Variants in MDGA1 observed in about 807,000 individuals in gnomAD.
MDGA1 encodes the protein MAM domain-containing glycosylphosphatidylinositol anchor protein 1.
In MDGA1, 54 loss-of-function variants were observed where a neutral mutation model predicts 101.5. That is an observed-to-expected ratio of 0.53 (90% CI 0.43 to 0.67). The LOEUF is 0.67. Among genes scored for constraint, MDGA1 ranks in the 30% least tolerant of loss-of-function variants. MDGA1 has a pLI of 0.00. For missense variants in MDGA1, 1,083 were observed against 1,323.8 expected (o/e 0.82, Z 2.82); for synonymous variants, 533 against 558.3 (o/e 0.95, Z 0.64).
intron 12 of MDGA1, among the ~76,000 whole-genome samples, chr6:37,644,939 C>G (rs999940827): frequency 1.3e-5 from 2 of 152,134 alleles, no homozygotes; most frequent in Admixed American, 1.3e-4. Context: ...TAAAGAAAAT[C>G]AATTATATCG....
intron 2 of MDGA1, among the ~76,000 whole-genome samples, chr6:37,658,689 C>T (rs958640116): frequency 6.6e-6 from 1 of 152,112 alleles, no homozygotes; most frequent in Non-Finnish European, 1.5e-5. Context: ...AGCATGGATT[C>T]GGCCGGGCAC....
Position 37,655,125 on chromosome 6 carries a change from G to T in MDGA1, c.580-193C>A. On this transcript the variant is annotated intron_variant, in intron 4 of 16. Coordinates refer to ENST00000434837, the MANE Select transcript of MDGA1 (RefSeq NM_153487.4). This position sits in a 1 kb window ranked among gnomAD's most constrained non-coding sequence, Gnocchi z 5.1. ...GGATGCTACACTCTCCATAGCCTTG[G>T]CAGTGCCTCATCATGGGATTCTCTG... 1 of 648,446 alleles carries T rather than the reference G, an allele frequency of 1.5e-6. No individual in the cohort carries two copies. Among genetic ancestry groups the T allele is most frequent in the Non-Finnish European group, 2.6e-6 (1 of 384,232 alleles). 40.2% of individuals were successfully genotyped at this position (648,446 alleles called of 1,614,324 possible).
rs777257279 is a variant in MDGA1 at position 37,638,572 on chromosome 6, C to A, written c.2632G>T (p.Ala878Ser). The A allele has an allele frequency of 6.2e-7, 1 of 1,614,022 alleles. No homozygotes were observed. The highest frequency in any genetic ancestry group is 1.7e-5 in the Admixed American group (1 of 60,032). ...SGNKGNVWQQ[A>S]HVPISPSGPF... ...CCACTGGGGCTGATGGGCACATGGG[C>A]CTGCTGCCACACATTGCCCTTATTG... The change falls in exon 15 of 17, where the codon GCC becomes TCC. Residue 878 changes from alanine (A) to serine (S), a missense_variant. By Grantham distance (99) the Ala-to-Ser change is moderately conservative (BLOSUM62 1). Around this residue, in one of 3 missense-constraint regions of MDGA1, gnomAD observed 657 missense variants for 771.4 expected, o/e 0.85. Transcript: ENST00000434837. This position sits in a 1 kb window ranked among gnomAD's most constrained non-coding sequence, Gnocchi z 4.8.
intron 1 of MDGA1, among the ~76,000 whole-genome samples, chr6:37,682,056 C>T (rs1762107633): frequency 6.6e-6 from 1 of 152,244 alleles, no homozygotes; most frequent in South Asian, 2.1e-4. Flanking sequence ...CACACACACA[C>T]ACCCCTCTGC....
chr6:37,666,231 G>A (rs567670708), intron 1 of MDGA1, among the ~76,000 whole-genome samples: 7 of 150,758 alleles, frequency 4.6e-5, no homozygotes, highest in South Asian at 4.2e-4. Context: ...ATGGTGGTGC[G>A]TACCTGTAAT....
intron 2 of MDGA1, among the ~76,000 whole-genome samples, chr6:37,661,827 C>G (rs1013279552): frequency 6.6e-6 from 1 of 151,976 alleles, no homozygotes; most frequent in Admixed American, 6.6e-5. Flanking sequence ...TGTAGCACAA[C>G]AGGGGTTATC....
At chr6:37,658,189 C>T in intron 3 of MDGA1, 56 bp downstream of exon 3, 8 of 1,476,944 alleles carry the variant, frequency 5.4e-6, no homozygotes, top group Non-Finnish European at 7.2e-6. Flanking sequence ...CCCTGGGGCG[C>T]CCTCTGGCCC....
intron 8 of MDGA1, chr6:37,649,874 T>A (rs1340848258): frequency 1.4e-6 from 1 of 701,782 alleles, no homozygotes; most frequent in African/African-American, 1.7e-5. Flanking sequence ...CAAGTAATTT[T>A]TTTTTTGTTC....
intron 1 of MDGA1, among the ~76,000 whole-genome samples, chr6:37,695,505 G>A (rs1581639193): frequency 6.6e-6 from 1 of 152,238 alleles, no homozygotes; most frequent in Admixed American, 6.5e-5. Flanking sequence ...TTAAGGCCAA[G>A]CCAGCTAGCT....
intron 1 of MDGA1, among the ~76,000 whole-genome samples, chr6:37,685,800 C>T (rs1219036557): frequency 2.0e-5 from 3 of 152,126 alleles, no homozygotes; most frequent in East Asian, 1.9e-4. Flanking sequence ...TCCTCTAGGT[C>T]GCTGTCTTTC....
rs551151560 is a variant in MDGA1, at chr6:37,683,620, C to A, written c.67+13125G>T. 4.6e-5 allele frequency among the ~76,000 whole-genome samples: 7 copies of A among 152,364 alleles called. No individual in the cohort carries two copies. The South Asian group carries it at 1.4e-3, about 32-fold the overall frequency. ...ATTAACACCCCCAGGAGCAACCTCA[C>A]CCAGTGACAGAGGCGGGGTGGGTGT... On this transcript the variant is annotated intron_variant, in intron 1 of 16. Coordinates refer to ENST00000434837, the MANE Select transcript of MDGA1 (RefSeq NM_153487.4).
chr6:37,659,717 A>G (rs534006324), intron 2 of MDGA1, among the ~76,000 whole-genome samples: 5 of 152,260 alleles, frequency 3.3e-5, no homozygotes, highest in African/African-American at 1.2e-4. Context: ...TCATGCAGGG[A>G]GGGACCACCC....
chr6:37,679,816 T>C (rs964199464), intron 1 of MDGA1, among the ~76,000 whole-genome samples: 1 of 152,178 alleles, frequency 6.6e-6, no homozygotes, highest in African/African-American at 2.4e-5. Flanking sequence ...TAGCCCTGTC[T>C]TGTGCATGGG....
intron 16 of MDGA1, among the ~76,000 whole-genome samples, chr6:37,637,721 C>G (rs1026237396): frequency 1.8e-4 from 27 of 152,158 alleles, no homozygotes; most frequent in Non-Finnish European, 3.4e-4. Context: ...CCTCAGTTTC[C>G]TCATCTGTAA....
chr6:37,650,558 G>T (rs1761338729), intron 7 of MDGA1, among the ~76,000 whole-genome samples, 153 bp from the exon 8 acceptor site: 1 of 152,188 alleles, frequency 6.6e-6, no homozygotes, highest in Non-Finnish European at 1.5e-5. Flanking sequence ...TTCCAAAGCA[G>T]AACTCACTTT....
intron 1 of MDGA1, among the ~76,000 whole-genome samples, chr6:37,679,868 T>C (rs876796): frequency 0.83 from 126,361 of 152,152 alleles, 52,857 homozygotes; most frequent in African/African-American, 0.93. Context: ...CATCACATGG[T>C]TAGTGAGCGG....
chr6:37,684,109 C>G (rs2395679), intron 1 of MDGA1, among the ~76,000 whole-genome samples: 87,765 of 152,148 alleles, frequency 0.58, 25,503 homozygotes, highest in African/African-American at 0.62. Context: ...CCTGTGCCAT[C>G]GGGAGAAGGC....
At chr6:37,644,708 C>CCTCG in intron 12 of MDGA1, 59 bp from the exon 13 acceptor site, 1 of 1,425,898 alleles carries the variant, frequency 7.0e-7, no homozygotes, top group East Asian at 2.7e-5. Context: ...TGAGGCCCAG[C>CCTCG]CTCGCCCCTC....
intron 14 of MDGA1, among the ~76,000 whole-genome samples, chr6:37,642,334 G>A (rs1764107521): frequency 6.6e-6 from 1 of 151,810 alleles, no homozygotes; most frequent in Admixed American, 6.6e-5. Context: ...CGTGAGCCTG[G>A]CTAATTTTTG....
Sources: gnomAD v4.1 joint callset for allele counts (sites outside exome capture counted in the v4.1 genomes callset) on GRCh38, gnomAD v4.1.1 for gene constraint, gnomAD v4.1.1 regional missense constraint, Gnocchi (gnomAD v3.1) non-coding constraint, MANE v1.5 for transcripts, NCBI Gene and HGNC (gene_info 2026-07-23, HGNC 2026-07-21) for gene names.